Variants in PRKDC observed in about 807,000 individuals in gnomAD.
PRKDC encodes the protein DNA-dependent protein kinase catalytic subunit.
PRKDC carries 82 observed loss-of-function variants against 486.9 expected under a neutral mutation model. The observed-to-expected ratio is 0.17, with a 90% CI of 0.14 to 0.20. The LOEUF (loss-of-function observed/expected upper bound fraction) is 0.20. PRKDC is among the 10% of genes least tolerant of loss of function. The probability of loss-of-function intolerance (pLI) is 1.00; values close to 1 mark genes in which losing one functional copy is unlikely to be tolerated. For missense variants in PRKDC, 4,504 were observed against 5,038.2 expected (o/e 0.89, Z 3.21); for synonymous variants, 1,895 against 1,837.0 (o/e 1.03, Z -0.81).
chr8:47,900,245 C>T, intron 28 of PRKDC, 128 bp downstream of exon 28: 1 of 541,318 alleles, frequency 1.8e-6, no homozygotes, highest in Non-Finnish European at 2.9e-6. Context: ...GGATTCTCTT[C>T]ACATTTATTA....
At chr8:47,896,775 C>T (rs576666232) in intron 30 of PRKDC, among the ~76,000 whole-genome samples, 1 of 152,194 alleles carries the variant, frequency 6.6e-6, no homozygotes, top group East Asian at 1.9e-4. Context: ...AGGGCTTGAT[C>T]TGTCCTGAGC....
intron 40 of PRKDC, among the ~76,000 whole-genome samples, chr8:47,874,009 C>T (rs1294210023): frequency 2.2e-5 from 3 of 134,094 alleles, no homozygotes; most frequent in African/African-American, 5.7e-5. Flanking sequence ...TTTTTTGAGA[C>T]GGAGTCTCGC....
At chr8:47,861,651 A>G in intron 44 of PRKDC, among the ~76,000 whole-genome samples, 1 of 152,218 alleles carries the variant, frequency 6.6e-6, no homozygotes, top group Non-Finnish European at 1.5e-5. Flanking sequence ...TGTCAATCTG[A>G]GCTTGGCTAA....
chr8:47,834,671 G>T (rs2087969584), intron 58 of PRKDC, among the ~76,000 whole-genome samples: 1 of 149,510 alleles, frequency 6.7e-6, no homozygotes, highest in Non-Finnish European at 1.5e-5. Context: ...ACTGAAAGGT[G>T]CTAAGAACCC....
At chr8:47,925,214 CAG>C (rs529903118) in intron 21 of PRKDC, among the ~76,000 whole-genome samples, 19 of 152,320 alleles carry the variant, frequency 1.2e-4, no homozygotes, top group African/African-American at 4.6e-4. Flanking sequence ...CTAACTCACA[CAG>C]AGAGAAAAAC....
intron 12 of PRKDC, 131 bp from the exon 13 acceptor site, chr8:47,936,031 C>A: frequency 1.1e-6 from 1 of 937,430 alleles, no homozygotes; most frequent in South Asian, 2.2e-5. Context: ...GTCATCTAAC[C>A]TGCTGCTTAA....
intron 51 of PRKDC, among the ~76,000 whole-genome samples, chr8:47,853,441 G>C (rs987033709): frequency 3.9e-5 from 6 of 152,218 alleles, no homozygotes; most frequent in Non-Finnish European, 7.3e-5. Context: ...CGGAAACCCA[G>C]GGAGTGGCCA....
At position 47,953,653 on chromosome 8, in the gene PRKDC, G is replaced by T. The variant is rs375896325; in HGVS notation, c.688C>A (p.Leu230Ile). 2 of 1,613,634 alleles carry T rather than the reference G, an allele frequency of 1.2e-6. No individual in the cohort carries two copies. ...ATGGACTTAGTGAAGTTGCACAGAA[G>T]TGAGGACAACCCCTTCAGACATCCT... ...LAGCLKGLSS[L>I]LCNFTKSMEE... Residue 230 changes from leucine (L) to isoleucine (I), a missense_variant, in exon 7 of 86, where the codon CTT becomes ATT. Transcript: ENST00000314191.
chr8:47,872,258 C>A (rs2088970179), intron 40 of PRKDC, among the ~76,000 whole-genome samples: 1 of 151,570 alleles, frequency 6.6e-6, no homozygotes, highest in Admixed American at 6.6e-5. Flanking sequence ...CTCACGGTAA[C>A]CTCAAATCAA....
chr8:47,877,752 G>C lies in PRKDC; in HGVS notation c.5335C>G (p.Gln1779Glu). ...EQQHVMEELFQSSFRRIARRG... is the reference protein window; with the variant it reads ...EQQHVMEELFESSFRRIARRG... ...CTGGCAATCCTCCTGAAACTGGATT[G>C]AAATAATTCTTCCATGACATGCTGC... Residue 1779 changes from glutamine to glutamate, a missense_variant, in exon 40 of 86, where the codon CAA (glutamine) becomes GAA (glutamate). Transcript: ENST00000314191. 1 of 1,593,636 alleles carries C rather than the reference G, an allele frequency of 6.3e-7. No individual in the cohort carries two copies. Among genetic ancestry groups the C allele is most frequent in the Non-Finnish European group, 8.6e-7 (1 of 1,168,996 alleles).
At chr8:47,895,719 A>G (rs2089563881) in intron 30 of PRKDC, among the ~76,000 whole-genome samples, 1 of 152,202 alleles carries the variant, frequency 6.6e-6, no homozygotes. Context: ...ATAAAAAAAA[A>G]AGTTGTTAGC....
chr8:47,803,121 T>C lies in PRKDC; in HGVS notation c.9922+185A>G, dbSNP rs539185063. ...TTTTCATGTTTGTTTACATCTTATA[T>C]GCAAACACAAAGTTTTCAAAATAAT... On this transcript the variant is annotated intron_variant, in intron 70 of 85. Transcript: ENST00000314191. Among the ~76,000 whole-genome samples the C allele has an allele frequency of 2.1e-4, 32 of 152,352 alleles. No homozygotes were observed. The East Asian group carries it at 5.4e-3, about 26-fold the overall frequency.
At chr8:47,804,858 T>G (rs2087186763) in intron 69 of PRKDC, among the ~76,000 whole-genome samples, 1 of 152,056 alleles carries the variant, frequency 6.6e-6, no homozygotes. Context: ...ACCTCCCAGG[T>G]TCAAGCGATT....
intron 65 of PRKDC, 70 bp from the exon 66 acceptor site, chr8:47,821,013 A>T (rs1015860896): frequency 1.8e-4 from 175 of 993,358 alleles, no homozygotes; most frequent in Non-Finnish European, 2.3e-4. Flanking sequence ...TTTTATTTCT[A>T]TTATATTCTT....
chr8:47,885,910 A>AC lies in PRKDC; in HGVS notation c.4776+33_4776+34insG, dbSNP rs764886006. The stretch of plus-strand genomic sequence containing the variant: ...CTGTCTCAAACAAACAAACAAACAA[A>AC]AAAAACAGTTTATTTAAAGGGAAAC... On this transcript the variant is annotated intron_variant, in intron 36 of 85. Coordinates refer to ENST00000314191, the MANE Select transcript of PRKDC (RefSeq NM_006904.7). The AC allele has an allele frequency of 1.6e-5, 26 of 1,593,212 alleles. 1 individual carries two copies. Among genetic ancestry groups the AC allele is most frequent in the Non-Finnish European group, 1.9e-5 (22 of 1,162,452 alleles).
chr8:47,888,449 A>AATAT, intron 34 of PRKDC, 69 bp downstream of exon 34: 3 of 1,332,202 alleles, frequency 2.3e-6, no homozygotes, highest in Non-Finnish European at 3.0e-6. Context: ...TTTAAGAAAT[A>AATAT]ATATAAATAA....
chr8:47,852,633 G>A, intron 52 of PRKDC, 40 bp downstream of exon 52: 1 of 1,268,740 alleles, frequency 7.9e-7, no homozygotes, highest in South Asian at 1.4e-5. Context: ...AATCAAAACA[G>A]AGTAAGAGGT....
intron 22 of PRKDC, among the ~76,000 whole-genome samples, chr8:47,918,029 T>G (rs1364633216): frequency 6.6e-6 from 1 of 152,116 alleles, no homozygotes; most frequent in Non-Finnish European, 1.5e-5. Context: ...TATTTTTTAA[T>G]AGAGACAGGG....
At chr8:47,862,153 A>C (rs1589750209) in intron 43 of PRKDC, 26 bp from the exon 44 acceptor site, 9 of 1,524,746 alleles carry the variant, frequency 5.9e-6, no homozygotes, top group Non-Finnish European at 8.0e-6. Flanking sequence ...ATCATATAAA[A>C]ATAGCTGAAT....
Sources: allele counts gnomAD v4.1 joint callset (sites outside exome capture counted in the v4.1 genomes callset), GRCh38; gene constraint gnomAD v4.1.1; transcripts MANE v1.5; gene names NCBI Gene and HGNC (gene_info 2026-07-23, HGNC 2026-07-21).